DAPK1: variants seen among roughly 807,000 people sequenced by gnomAD.
DAPK1 encodes the protein death-associated protein kinase 1.
A neutral mutation model predicts 144.9 loss-of-function variants in DAPK1; 56 were observed. The observed-to-expected ratio is 0.39, with a 90% confidence interval of 0.31 to 0.48. DAPK1 has a LOEUF of 0.48. DAPK1 is among the 20% of genes least tolerant of loss of function. DAPK1 has a pLI of 0.95. For synonymous variants in DAPK1, 690 were observed against 749.0 expected, an observed-to-expected ratio of 0.92 and a Z score of 1.29; for missense variants, 1,454 against 1,875.4, an observed-to-expected ratio of 0.78 and a Z score of 4.15.
chr9:87,555,262 T>C lies in DAPK1; in HGVS notation c.63-49692T>C, dbSNP rs1826664460. Reference sequence around the variant, plus strand: ...GGCATTTCCATAATACAGCACGTTCTTAAGCAGACATTAAGTCAGACAATT... The same window carrying C: ...GGCATTTCCATAATACAGCACGTTCCTAAGCAGACATTAAGTCAGACAATT... On this transcript the variant is annotated intron_variant, in intron 2 of 25. Coordinates refer to ENST00000408954, the MANE Select transcript of DAPK1 (RefSeq NM_004938.4). Among the ~76,000 whole-genome samples, 4 of 152,224 alleles carry C rather than the reference T, an allele frequency of 2.6e-5. No individual in the cohort carries two copies. In the South Asian group the frequency reaches 8.3e-4, roughly 31 times the overall value.
chr9:87,646,906 C>T (rs926691873), intron 13 of DAPK1, among the ~76,000 whole-genome samples: 10 of 152,228 alleles, frequency 6.6e-5, no homozygotes, highest in African/African-American at 2.2e-4. Context: ...TTGCCTGCTT[C>T]TGCAGACGTC....
At chr9:87,667,169 G>C (rs998091710) in intron 18 of DAPK1, among the ~76,000 whole-genome samples, 1 of 152,176 alleles carries the variant, frequency 6.6e-6, no homozygotes, top group African/African-American at 2.4e-5. Context: ...ATGGATCCCT[G>C]GTTGGAGATG....
intron 20 of DAPK1, among the ~76,000 whole-genome samples, chr9:87,684,890 C>T (rs777214934): frequency 6.6e-6 from 1 of 152,182 alleles, no homozygotes; most frequent in Non-Finnish European, 1.5e-5. Context: ...ATCCTCCCAA[C>T]GAAAACTGTC....
At chr9:87,643,549 T>C in intron 11 of DAPK1, 81 bp downstream of exon 11, 3 of 935,724 alleles carry the variant, frequency 3.2e-6, no homozygotes, top group Non-Finnish European at 5.1e-6. Flanking sequence ...TTGTTCAACC[T>C]CCCAGGAACC....
intron 2 of DAPK1, among the ~76,000 whole-genome samples, chr9:87,603,327 A>G (rs745555973): frequency 1.3e-5 from 2 of 152,200 alleles, no homozygotes; most frequent in African/African-American, 2.4e-5. Context: ...TAATGAAGTC[A>G]TTACATAGAC....
intron 2 of DAPK1, among the ~76,000 whole-genome samples, chr9:87,547,855 T>C (rs1372286385): frequency 6.6e-6 from 1 of 152,190 alleles, no homozygotes; most frequent in Admixed American, 6.5e-5. Context: ...CAGAGTCTGC[T>C]GATTTAGATG....
chr9:87,700,250 T>G lies in DAPK1; in HGVS notation c.2871+13T>G. 1.2e-6 allele frequency: 2 copies of G among 1,608,948 alleles called. No homozygotes were observed. Among genetic ancestry groups the G allele is most frequent in the Non-Finnish European group, 1.7e-6 (2 of 1,175,300 alleles). On this transcript the variant is annotated intron_variant, in intron 24 of 25. Transcript: ENST00000408954. ...CCAGATTGTTTCGGTAAGTACACCA[T>G]GGAAAGAGCCTGGACCCCTTTGTAC... is the stretch of plus-strand genomic sequence containing the variant.
chr9:87,571,640 G>A (rs1477185257), intron 2 of DAPK1, among the ~76,000 whole-genome samples: 5 of 152,098 alleles, frequency 3.3e-5, no homozygotes, highest in East Asian at 1.9e-4. Flanking sequence ...TGCATCCTGC[G>A]GCTGCCCATC....
intron 25 of DAPK1, among the ~76,000 whole-genome samples, chr9:87,704,252 G>A (rs1433607970): frequency 6.6e-6 from 1 of 152,208 alleles, no homozygotes; most frequent in East Asian, 1.9e-4. Context: ...GATACTGCTG[G>A]ATGTAAAAAA....
chr9:87,676,040 CT>C (rs1824366967), intron 19 of DAPK1, among the ~76,000 whole-genome samples: 1 of 152,174 alleles, frequency 6.6e-6, no homozygotes, highest in African/African-American at 2.4e-5. Context: ...CCTGAGTACC[CT>C]CCAGCCACAC....
chr9:87,515,359 C>G lies in DAPK1; in HGVS notation c.62+16220C>G, dbSNP rs572320525. Among the ~76,000 whole-genome samples the G allele has an allele frequency of 2.0e-5, 3 of 152,340 alleles. No homozygotes were observed. In the East Asian group the frequency reaches 5.8e-4, roughly 29 times the overall value. ...GGGCCATGATTTGCTAAGCCCTGCT[C>G]TGTTTTATTGATGAATAAACAAAGG... On this transcript the variant is annotated intron_variant, in intron 2 of 25. Coordinates refer to ENST00000408954, the MANE Select transcript of DAPK1 (RefSeq NM_004938.4).
chr9:87,541,233 G>T (rs559320796), intron 2 of DAPK1, among the ~76,000 whole-genome samples: 2 of 152,064 alleles, frequency 1.3e-5, no homozygotes, highest in Non-Finnish European at 2.9e-5. Context: ...ACTGTAAGTG[G>T]TTCTTCTGTC....
chr9:87,698,567 A>C (rs545500926), intron 22 of DAPK1, 89 bp from the exon 23 acceptor site: 2 of 774,358 alleles, frequency 2.6e-6, no homozygotes, highest in Non-Finnish European at 4.5e-6. Flanking sequence ...CGGCCTGGGC[A>C]TGAGGCCAAC....
rs180800736 is a variant in DAPK1, at chr9:87,621,557, C to T, written c.284+16382C>T. ...GTGTATCACTCCCATTGTTGGTGTG[C>T]CATTTTCTGAGTATTTTCCAGACTC... is the stretch of plus-strand genomic sequence containing the variant. On this transcript the variant is annotated intron_variant, in intron 3 of 25. Transcript: ENST00000408954. Among the ~76,000 whole-genome samples, 15 of 152,280 alleles carry T rather than the reference C, an allele frequency of 9.9e-5. No individual in the cohort carries two copies. In the East Asian group the frequency reaches 2.7e-3, roughly 28 times the overall value.
chr9:87,617,677 C>A (rs1187690231), intron 3 of DAPK1, among the ~76,000 whole-genome samples: 1 of 152,172 alleles, frequency 6.6e-6, no homozygotes, highest in Non-Finnish European at 1.5e-5. Context: ...ATTGTCACCT[C>A]CTAATCAATT....
At chr9:87,697,267 C>T in intron 22 of DAPK1, 63 bp downstream of exon 22, 1 of 764,874 alleles carries the variant, frequency 1.3e-6, no homozygotes, top group East Asian at 2.6e-5. Flanking sequence ...TCGCCTCCTC[C>T]TTCCAGGCTT....
intron 2 of DAPK1, among the ~76,000 whole-genome samples, chr9:87,529,235 C>G: frequency 6.6e-6 from 1 of 152,316 alleles, no homozygotes; most frequent in South Asian, 2.1e-4. Flanking sequence ...TCTGCTCTAG[C>G]GCTTTTCAAT....
At chr9:87,506,235 CG>C (rs1301663794) in intron 2 of DAPK1, among the ~76,000 whole-genome samples, 1 of 152,140 alleles carries the variant, frequency 6.6e-6, no homozygotes, top group African/African-American at 2.4e-5. Flanking sequence ...AGCCATTTGG[CG>C]CCAATTTATT....
intron 2 of DAPK1, among the ~76,000 whole-genome samples, chr9:87,589,793 G>A (rs1184205547): frequency 6.6e-6 from 1 of 152,112 alleles, no homozygotes; most frequent in Admixed American, 6.5e-5. Flanking sequence ...CATATTGAAT[G>A]AAGTATCAGG....
Sources: allele counts gnomAD v4.1 joint callset (sites outside exome capture counted in the v4.1 genomes callset), GRCh38; gene constraint gnomAD v4.1.1; transcripts MANE v1.5; gene names NCBI Gene and HGNC (gene_info 2026-07-23, HGNC 2026-07-21).